SEMA5A: variants seen among roughly 807,000 people sequenced by gnomAD.
SEMA5A encodes the protein semaphorin-5A.
In SEMA5A, 55 loss-of-function variants were observed where a neutral mutation model predicts 135.5. That is an observed-to-expected ratio of 0.41 (90% CI 0.33 to 0.51). The LOEUF is 0.51. Among genes scored for constraint, SEMA5A ranks in the 20% least tolerant of loss-of-function variants. The pLI is 0.37. For missense variants in SEMA5A, 1,290 were observed against 1,419.9 expected (o/e 0.91, Z 1.47); for synonymous variants, 580 against 546.5 (o/e 1.06, Z -0.85).
At chr5:9,284,036 GATAA>G (rs1047167311) in intron 5 of SEMA5A, among the ~76,000 whole-genome samples, 2 of 150,720 alleles carry the variant, frequency 1.3e-5, no homozygotes, top group South Asian at 2.1e-4. Context: ...GATAACAGAT[GATAA>G]ATAAATATCA....
intron 2 of SEMA5A, among the ~76,000 whole-genome samples, chr5:9,437,435 C>A (rs1758072727): frequency 6.6e-6 from 1 of 152,110 alleles, no homozygotes; most frequent in Non-Finnish European, 1.5e-5. Flanking sequence ...CAGCTCACTG[C>A]AAACTCTGCC....
chr5:9,089,448 C>T (rs1185437443), intron 16 of SEMA5A, among the ~76,000 whole-genome samples: 1 of 151,954 alleles, frequency 6.6e-6, no homozygotes, highest in Admixed American at 6.6e-5. Context: ...CACCAACTCC[C>T]CCCATAAAGG....
At chr5:9,272,395 G>C (rs1267709907) in intron 5 of SEMA5A, among the ~76,000 whole-genome samples, 2 of 152,132 alleles carry the variant, frequency 1.3e-5, no homozygotes, top group Non-Finnish European at 2.9e-5. Context: ...CCACCTCCCT[G>C]GGACAGAGCA....
chr5:9,262,213 T>C (rs1749415646), intron 5 of SEMA5A, among the ~76,000 whole-genome samples: 2 of 89,718 alleles, frequency 2.2e-5, no homozygotes, highest in Admixed American at 1.3e-4. Context: ...CTCACACCAG[T>C]TAGAATGGCA....
intron 18 of SEMA5A, among the ~76,000 whole-genome samples, chr5:9,061,613 C>T (rs556405711): frequency 6.6e-6 from 1 of 152,088 alleles, no homozygotes; most frequent in Non-Finnish European, 1.5e-5. Context: ...AGGAGAAAGG[C>T]AGAAACAGGG....
At chr5:9,324,775 A>G (rs1752794320) in intron 4 of SEMA5A, among the ~76,000 whole-genome samples, 1 of 152,356 alleles carries the variant, frequency 6.6e-6, no homozygotes, top group African/African-American at 2.4e-5. Flanking sequence ...CAACCACTTT[A>G]TCTTGCAATT....
chr5:9,127,056 C>A (rs1489992201), intron 13 of SEMA5A, among the ~76,000 whole-genome samples: 1 of 152,156 alleles, frequency 6.6e-6, no homozygotes, highest in Admixed American at 6.5e-5. Flanking sequence ...GTTTTCCTTG[C>A]CTCAAAATTT....
chr5:9,487,420 G>A (rs1174288996), intron 1 of SEMA5A, among the ~76,000 whole-genome samples: 1 of 152,150 alleles, frequency 6.6e-6, no homozygotes, highest in Non-Finnish European at 1.5e-5. Flanking sequence ...GGTTTGAGCA[G>A]GACACCAACC....
chr5:9,430,831 A>C (rs1757830815), intron 2 of SEMA5A, among the ~76,000 whole-genome samples: 1 of 152,046 alleles, frequency 6.6e-6, no homozygotes, highest in Admixed American at 6.6e-5. Flanking sequence ...CTTTAAACCA[A>C]GTTTTTTTTG....
chr5:9,273,469 A>C (rs879055063), intron 5 of SEMA5A, among the ~76,000 whole-genome samples: 1 of 152,154 alleles, frequency 6.6e-6, no homozygotes, highest in South Asian at 2.1e-4. Context: ...CCAACATTCA[A>C]ATTCAGGAAA....
chr5:9,196,211 C>A (rs1472501389), intron 10 of SEMA5A, among the ~76,000 whole-genome samples: 1 of 152,200 alleles, frequency 6.6e-6, no homozygotes, highest in African/African-American at 2.4e-5. Context: ...TGTAAGCCAC[C>A]CAAATTCCTA....
At chr5:9,153,599 C>G (rs925488705) in intron 12 of SEMA5A, among the ~76,000 whole-genome samples, 3 of 132,406 alleles carry the variant, frequency 2.3e-5, no homozygotes, top group Non-Finnish European at 5.5e-5. Context: ...GTGCCAAGGA[C>G]AGTGGCGGGG....
At chr5:9,473,132 T>TA (rs1168479450) in intron 1 of SEMA5A, among the ~76,000 whole-genome samples, 1 of 146,296 alleles carries the variant, frequency 6.8e-6, no homozygotes, top group African/African-American at 2.5e-5. Context: ...AATATATATA[T>TA]ATATATATAA....
chr5:9,122,502 T>A (rs537767247), intron 14 of SEMA5A, among the ~76,000 whole-genome samples, 154 bp downstream of exon 14: 2 of 152,334 alleles, frequency 1.3e-5, no homozygotes, highest in East Asian at 1.9e-4. Context: ...AAAATCTCCT[T>A]GCAAAAATCA....
chr5:9,080,200 G>A (rs985558914), intron 16 of SEMA5A, among the ~76,000 whole-genome samples: 11 of 152,046 alleles, frequency 7.2e-5, no homozygotes, highest in Non-Finnish European at 1.3e-4. Context: ...CATATACACC[G>A]CGGAATACTA....
At chr5:9,265,341 A>C in intron 5 of SEMA5A, 1 of 438,530 alleles carries the variant, frequency 2.3e-6, no homozygotes, top group Middle Eastern at 3.4e-4. Flanking sequence ...GTTCCTGCCT[A>C]TCCATGAGGT....
chr5:9,395,350 A>G (rs1236445945), intron 2 of SEMA5A, among the ~76,000 whole-genome samples: 1 of 152,186 alleles, frequency 6.6e-6, no homozygotes, highest in Non-Finnish European at 1.5e-5. Context: ...CTGAACGTGA[A>G]ATCTTTGTTA....
intron 5 of SEMA5A, among the ~76,000 whole-genome samples, chr5:9,283,228 GTCCA>G (rs1422991475): frequency 6.6e-6 from 1 of 152,176 alleles, no homozygotes; most frequent in African/African-American, 2.4e-5. Flanking sequence ...TGAGTCAGGA[GTCCA>G]TTCGTGGTTT....
chr5:9,284,544 G>A (rs1750699533), intron 5 of SEMA5A, among the ~76,000 whole-genome samples: 1 of 152,084 alleles, frequency 6.6e-6, no homozygotes, highest in Non-Finnish European at 1.5e-5. Flanking sequence ...TTTCTATAAT[G>A]GATTGGGCTG....
Sources: allele counts gnomAD v4.1 joint callset (sites outside exome capture counted in the v4.1 genomes callset), GRCh38; gene constraint gnomAD v4.1.1; transcripts MANE v1.5; gene names NCBI Gene and HGNC (gene_info 2026-07-23, HGNC 2026-07-21).